The following MED28 variants were observed in gnomAD, a reference collection of about 807,000 sequenced individuals.
MED28 encodes mediator of RNA polymerase II transcription subunit 28.
Under a neutral mutation model 21.3 loss-of-function variants are expected in MED28, and 26 were observed. The ratio of observed to expected loss-of-function variants is 1.22; its 90% confidence interval spans 0.89 to 1.69. MED28 has a LOEUF of 1.69. Ranked by LOEUF, MED28 falls within the 40% of genes most tolerant of loss-of-function variation. The pLI is 0.00. For missense variants in MED28, 257 were observed against 215.4 expected (o/e 1.19, Z -1.21); for synonymous variants, 110 against 87.6 (o/e 1.26, Z -1.43).
rs2108921753 is a variant in MED28, at chr4:17,629,697, C to T, written c.*5899C>T. ...GATAATTTCTCTTCATCTTCACTGT[C>T]ACCTCTACGCCATCACTGTCATCTC... On this transcript the variant is annotated 3_prime_UTR_variant, in exon 4 of 4. Transcript: ENST00000237380. 1 of 152,334 alleles carries T rather than the reference C, an allele frequency of 6.6e-6. No homozygotes were observed. Among genetic ancestry groups the T allele is most frequent in the Admixed American group, 6.5e-5 (1 of 15,298 alleles). The allele number at this position is 152,334 out of a possible 1,614,324, so 9.4% of individuals were successfully genotyped here. A position where few individuals can be genotyped will look rare whatever the true frequency, so the allele number is the denominator to read the frequency against.
At chr4:17,615,435 A>G (rs1319740130) in intron 1 of MED28, among the ~76,000 whole-genome samples, 1 of 152,244 alleles carries the variant, frequency 6.6e-6, no homozygotes, top group African/African-American at 2.4e-5. Flanking sequence ...GATTTCCAGT[A>G]GTCTTTAAAG....
rs565032163 is a variant in MED28 at position 17,633,646 on chromosome 4, A to C, written c.*9848A>C. 1.4e-6 allele frequency: 2 copies of C among 1,409,410 alleles called. No homozygotes were observed. Among genetic ancestry groups the C allele is most frequent in the African/African-American group, 3.0e-5 (2 of 67,674 alleles). 87.3% of individuals were successfully genotyped at this position (1,409,410 alleles called of 1,614,324 possible). On this transcript the variant is annotated 3_prime_UTR_variant, in exon 4 of 4. Transcript: ENST00000237380. ...GAATCCTACTTCCCCTCTTATCTACAGGGAAATAGAATAAGGGCCCCTGTC... is the reference window on the plus strand; with the variant it reads ...GAATCCTACTTCCCCTCTTATCTACCGGGAAATAGAATAAGGGCCCCTGTC...
rs2108918557 is a variant in MED28 at position 17,623,597 on chromosome 4, G to A, written c.340-4G>A. The A allele has an allele frequency of 6.2e-7, 1 of 1,613,542 alleles. No individual in the cohort carries two copies. The highest frequency in any genetic ancestry group is 2.2e-5 in the East Asian group (1 of 44,878). On this transcript the variant is annotated splice_polypyrimidine_tract_variant and splice_region_variant and intron_variant, in intron 3 of 3. Transcript: ENST00000237380. ...CTGACTTAGTCCATGACTTTCATCT[G>A]CAGGATGTGTCAGAACTAAGGAATG...
chr4:17,614,871 C>G, intron 1 of MED28, 58 bp downstream of exon 1: 1 of 1,528,602 alleles, frequency 6.5e-7, no homozygotes, highest in South Asian at 1.2e-5. Context: ...GAAACGTGAA[C>G]TGCGCGTACG....
chr4:17,620,078 A>AG, intron 2 of MED28, 111 bp downstream of exon 2: 1 of 990,746 alleles, frequency 1.0e-6, no homozygotes, highest in South Asian at 1.4e-5. Flanking sequence ...ACAACATTTC[A>AG]GGGACTAAAA....
At position 17,632,489 on chromosome 4, in the gene MED28, A is replaced by C; in HGVS notation, c.*8691A>C. ...TCCTTCAATCGGATGATTTAAAATA[A>C]ATGTTTTTCAAGTATCCTCTGTGAT... On this transcript the variant is annotated 3_prime_UTR_variant, in exon 4 of 4. Transcript: ENST00000237380. The C allele has an allele frequency of 1.4e-6, 2 of 1,414,032 alleles. No individual in the cohort carries two copies. Among genetic ancestry groups the C allele is most frequent in the East Asian group, 2.5e-5 (1 of 40,168 alleles). 87.6% of individuals were successfully genotyped at this position (1,414,032 alleles called of 1,614,324 possible). A position where few individuals can be genotyped will look rare whatever the true frequency, so the allele number is the denominator to read the frequency against.
rs1178209091 is a variant in MED28, at chr4:17,628,798, A to G, written c.*5000A>G. Reference sequence around the variant, plus strand: ...CTGGAGCAGCGTGTGAGGTATGGACACTCACTCACACGAGGGGGTGGCCCA... The same window carrying G: ...CTGGAGCAGCGTGTGAGGTATGGACGCTCACTCACACGAGGGGGTGGCCCA... On this transcript the variant is annotated 3_prime_UTR_variant, in exon 4 of 4. Coordinates refer to ENST00000237380, the MANE Select transcript of MED28 (RefSeq NM_025205.5). The G allele has an allele frequency of 6.6e-6, 1 of 152,140 alleles. No homozygotes were observed. The highest frequency in any genetic ancestry group is 1.9e-4 in the East Asian group (1 of 5,178). 9.4% of individuals were successfully genotyped at this position (152,140 alleles called of 1,614,324 possible).
chr4:17,619,124 C>T (rs1459576618), intron 1 of MED28, among the ~76,000 whole-genome samples: 1 of 152,210 alleles, frequency 6.6e-6, no homozygotes, highest in African/African-American at 2.4e-5. Context: ...AATCTCCCTG[C>T]CCACTTCCTG....
intron 2 of MED28, 173 bp downstream of exon 2, chr4:17,620,140 T>A: frequency 3.2e-6 from 2 of 624,458 alleles, no homozygotes; most frequent in Non-Finnish European, 5.7e-6. Flanking sequence ...GTTTATTAAT[T>A]GACATATCAC....
Position 17,614,664 on chromosome 4 carries a change from C to T in MED28, c.10C>T (p.Pro4Ser), listed in dbSNP as rs1301969149. The change falls in exon 1 of 4, where the codon CCA becomes TCA. Residue 4 changes from proline to serine, a missense_variant. By Grantham distance (74) the Pro-to-Ser change is moderately conservative. Transcript: ENST00000237380. ...TTGCGCCATTCCAAACATGGCGGCT[C>T]CACTAGGGGGTATGTTTTCTGGGCA... MAA[P>S]LGGMFSGQPP... is the part of the protein sequence containing the mutation. The T allele has an allele frequency of 1.2e-6, 2 of 1,611,402 alleles. No individual in the cohort carries two copies. Among genetic ancestry groups the T allele is most frequent in the East Asian group, 2.2e-5 (1 of 44,858 alleles).
Position 17,623,991 on chromosome 4 carries a change from G to T in MED28, c.*193G>T. Reference sequence around the variant, plus strand: ...TTCTTGAGTACTTTATAACATGTCTGTAGCTTGGATAAACCAAGTAAGTAT... The same window carrying T: ...TTCTTGAGTACTTTATAACATGTCTTTAGCTTGGATAAACCAAGTAAGTAT... On this transcript the variant is annotated 3_prime_UTR_variant, in exon 4 of 4. Transcript: ENST00000237380. 1.6e-6 allele frequency: 1 copy of T among 619,352 alleles called. No homozygotes were observed. Among genetic ancestry groups the T allele is most frequent in the Non-Finnish European group, 2.8e-6 (1 of 353,744 alleles). 38.4% of individuals were successfully genotyped at this position (619,352 alleles called of 1,614,324 possible). A position where few individuals can be genotyped will look rare whatever the true frequency, so the allele number is the denominator to read the frequency against.
Position 17,633,959 on chromosome 4 carries a change from A to C in MED28, c.*10161A>C. The C allele has an allele frequency of 8.4e-7, 1 of 1,192,142 alleles. No individual in the cohort carries two copies. The highest frequency in any genetic ancestry group is 1.1e-6 in the Non-Finnish European group (1 of 903,100). The allele number at this position is 1,192,142 out of a possible 1,614,324, so 73.8% of individuals were successfully genotyped here. A position where few individuals can be genotyped will look rare whatever the true frequency, so the allele number is the denominator to read the frequency against. ...AAAATAAAGCATTATTGTAAAAGCA[A>C]ATAATGCTCACCCAATCAAAATTGT... On this transcript the variant is annotated 3_prime_UTR_variant, in exon 4 of 4. Coordinates refer to ENST00000237380, the MANE Select transcript of MED28 (RefSeq NM_025205.5).
intron 1 of MED28, among the ~76,000 whole-genome samples, chr4:17,615,477 AGTAAT>A (rs1714421139): frequency 6.6e-6 from 1 of 152,244 alleles, no homozygotes; most frequent in Admixed American, 6.5e-5. Context: ...GTAGTAATAA[AGTAAT>A]GTACGTTCAA....
At chr4:17,615,732 C>T (rs1388018338) in intron 1 of MED28, among the ~76,000 whole-genome samples, 1 of 152,132 alleles carries the variant, frequency 6.6e-6, no homozygotes. Context: ...ATCGCTTGAA[C>T]CTGGGATGCG....
rs961536354 is a variant in MED28 at position 17,625,146 on chromosome 4, G to C, written c.*1348G>C. The C allele has an allele frequency of 6.5e-6, 1 of 152,792 alleles. No homozygotes were observed. Among genetic ancestry groups the C allele is most frequent in the Non-Finnish European group, 1.5e-5 (1 of 68,578 alleles). 9.5% of individuals were successfully genotyped at this position (152,792 alleles called of 1,614,324 possible). On this transcript the variant is annotated 3_prime_UTR_variant, in exon 4 of 4. Transcript: ENST00000237380. Reference sequence around the variant, plus strand: ...AGGGCACAGGACTTTGATCTCTTCTGTTGCCCTCGCTAGGTTCTCCCTGGT... The same window carrying C: ...AGGGCACAGGACTTTGATCTCTTCTCTTGCCCTCGCTAGGTTCTCCCTGGT...
At chr4:17,619,477 A>G (rs1714554123) in intron 1 of MED28, among the ~76,000 whole-genome samples, 1 of 152,228 alleles carries the variant, frequency 6.6e-6, no homozygotes, top group Admixed American at 6.5e-5. Context: ...TTGGGTGTGG[A>G]GCATGAGCAG....
intron 1 of MED28, among the ~76,000 whole-genome samples, chr4:17,617,893 G>A (rs1714495084): frequency 6.6e-6 from 1 of 151,404 alleles, no homozygotes; most frequent in Admixed American, 6.6e-5. Context: ...GCAATAGAGT[G>A]AGACTCCATC....
rs1427085626 is a variant in MED28, at chr4:17,630,846, T to TC, written c.*7049dup. 4.6e-5 allele frequency: 7 copies of TC among 152,178 alleles called. No individual in the cohort carries two copies. Among genetic ancestry groups the TC allele is most frequent in the African/African-American group, 1.7e-4 (7 of 41,444 alleles). The allele number at this position is 152,178 out of a possible 1,614,324, so 9.4% of individuals were successfully genotyped here. The stretch of plus-strand genomic sequence containing the variant: ...TGAACTTTCTATTTCTAAGCTGTCT[T>TC]CATCTAATTTTACCTTTCTGTGGAA... On this transcript the variant is annotated 3_prime_UTR_variant, in exon 4 of 4. Transcript: ENST00000237380.
chr4:17,617,969 A>G (rs374546162), intron 1 of MED28, among the ~76,000 whole-genome samples: 4 of 149,982 alleles, frequency 2.7e-5, no homozygotes, highest in Admixed American at 1.3e-4. Flanking sequence ...CAGCTGTCCA[A>G]CTGTCTATAA....
Sources: gnomAD v4.1 joint callset for allele counts (sites outside exome capture counted in the v4.1 genomes callset) on GRCh38, gnomAD v4.1.1 for gene constraint, MANE v1.5 for transcripts, NCBI Gene and HGNC (gene_info 2026-07-23, HGNC 2026-07-21) for gene names.